The following FOXF2 variants were observed in gnomAD, a reference collection of about 807,000 sequenced individuals.
The protein encoded by FOXF2 is forkhead box protein F2.
In FOXF2, 15 loss-of-function variants were observed where a neutral mutation model predicts 29.1. That is an observed-to-expected ratio of 0.52 (90% CI 0.35 to 0.79). The LOEUF (loss-of-function observed/expected upper bound fraction) is 0.79, where lower values mean the gene tolerates loss of function less well. Ranked by LOEUF, FOXF2 falls within the 30% of genes least tolerant of loss-of-function variation. FOXF2 has a pLI of 0.01. For missense variants in FOXF2, 675 were observed against 667.1 expected (o/e 1.01, Z -0.13); for synonymous variants, 337 against 316.5 (o/e 1.06, Z -0.69).
Position 1,389,979 on chromosome 6 carries a change from C to T in FOXF2, c.32C>T (p.Pro11Leu). ...ACCGAGGGCGGGCCGCCGCCGGCCCCGCTCCGCCGCGCGTGCAGCCCGGTC... is the reference window on the plus strand; with the variant it reads ...ACCGAGGGCGGGCCGCCGCCGGCCCTGCTCCGCCGCGCGTGCAGCCCGGTC... MTTEGGPPPAPLRRACSPVPG... is the reference protein window; with the variant it reads MTTEGGPPPALLRRACSPVPG... The change falls in exon 1 of 2, where the codon CCG (proline) becomes CTG (leucine). Residue 11 changes from proline (P) to leucine (L), a missense_variant. Around this residue, in one of 3 missense-constraint regions of FOXF2, gnomAD observed 220 missense variants for 205.5 expected, o/e 1.07. Coordinates refer to ENST00000645481, the MANE Select transcript of FOXF2 (RefSeq NM_001452.2). 2 of 1,011,510 alleles carry T rather than the reference C, an allele frequency of 2.0e-6. No homozygotes were observed. The highest frequency in any genetic ancestry group is 1.2e-6 in the Non-Finnish European group (1 of 849,012). 62.7% of individuals were successfully genotyped at this position (1,011,510 alleles called of 1,614,324 possible). A position where few individuals can be genotyped will look rare whatever the true frequency, so the allele number is the denominator to read the frequency against.
In FOXF2 at chr6:1,390,800, A is replaced by T; in HGVS notation, c.853A>T (p.Met285Leu). The change falls in exon 1 of 2, where the codon ATG (methionine) becomes TTG (leucine). Residue 285 changes from methionine to leucine, a missense_variant. Met to Leu is a conservative substitution (Grantham distance 15, BLOSUM62 2). Around this residue, in one of 3 missense-constraint regions of FOXF2, gnomAD observed 451 missense variants for 437.2 expected, o/e 1.03. Transcript: ENST00000645481. This position sits in a 1 kb window ranked among gnomAD's most constrained non-coding sequence, Gnocchi z 8.5. The stretch of plus-strand genomic sequence containing the variant: ...GTCGCCCAACCCGGGTTCCACCTAC[A>T]TGGCCAGCTGCCCGGTGCCCGCGGG... ...HMSPNPGSTY[M>L]ASCPVPAGPG... 1 of 1,386,640 alleles carries T rather than the reference A, an allele frequency of 7.2e-7. No individual in the cohort carries two copies. Among genetic ancestry groups the T allele is most frequent in the South Asian group, 1.7e-5 (1 of 58,286 alleles). The allele number at this position is 1,386,640 out of a possible 1,614,324, so 85.9% of individuals were successfully genotyped here.
At position 1,390,769 on chromosome 6, in the gene FOXF2, G is replaced by A. The variant is rs1263462310; in HGVS notation, c.822G>A (p.Pro274=). 7.2e-7 allele frequency: 1 copy of A among 1,395,582 alleles called. No individual in the cohort carries two copies. Among genetic ancestry groups the A allele is most frequent in the Non-Finnish European group, 9.2e-7 (1 of 1,086,156 alleles). 86.4% of individuals were successfully genotyped at this position (1,395,582 alleles called of 1,614,324 possible). ...ACCACCACCACCACCACCACGTCCC[G>A]CACATGTCGCCCAACCCGGGTTCCA... is the stretch of plus-strand genomic sequence containing the variant. ...HPHHHHHHHV[P]HMSPNPGSTY... The change falls in exon 1 of 2, where the codon CCG becomes CCA. Residue 274 remains proline (P), a synonymous_variant. Coordinates refer to ENST00000645481, the MANE Select transcript of FOXF2 (RefSeq NM_001452.2). This position sits in a 1 kb window ranked among gnomAD's most constrained non-coding sequence, Gnocchi z 8.5.
At chr6:1,392,011 C>G (rs186924365) in intron 1 of FOXF2, among the ~76,000 whole-genome samples, 12 of 152,300 alleles carry the variant, frequency 7.9e-5, no homozygotes, top group African/African-American at 2.6e-4. Context: ...ATTAACCCCT[C>G]GCTCGGAGCA....
rs1758871106 is a variant in FOXF2, at chr6:1,394,833, C to T, written c.1309C>T (p.Gln437Ter). ...TCACCATCACCACCAGAGCGTCTGT[C>T]AGGATATTAAGCCCTGCGTCATGTG... is the stretch of plus-strand genomic sequence containing the variant. ...YYHHHHQSVCQDIKPCVM is the reference protein window; with the variant it reads ...YYHHHHQSVC The change falls in exon 2 of 2, where the codon CAG (glutamine) becomes TAG (stop). Residue 437 changes from glutamine (Q) to a stop codon, truncating the protein, a stop_gained. Coordinates refer to ENST00000645481, the MANE Select transcript of FOXF2 (RefSeq NM_001452.2). LOFTEE classifies it high-confidence loss of function. 1 of 1,614,080 alleles carries T rather than the reference C, an allele frequency of 6.2e-7. No individual in the cohort carries two copies. Among genetic ancestry groups the T allele is most frequent in the Non-Finnish European group, 8.5e-7 (1 of 1,180,044 alleles).
intron 1 of FOXF2, among the ~76,000 whole-genome samples, chr6:1,393,633 G>T: frequency 6.6e-6 from 1 of 152,096 alleles, no homozygotes; most frequent in East Asian, 2.0e-4. Flanking sequence ...CGAGAGCAGG[G>T]CCCGAGCCCG....
At position 1,390,593 on chromosome 6, in the gene FOXF2, T is replaced by C; in HGVS notation, c.646T>C (p.Phe216Leu). ...MYHRVVSGLG[F>L]GASLLPQGFD... ...CCACCGCGTGGTGAGCGGCTTGGGCTTCGGGGCGTCGCTGCTGCCCCAGGG... is the reference window on the plus strand; with the variant it reads ...CCACCGCGTGGTGAGCGGCTTGGGCCTCGGGGCGTCGCTGCTGCCCCAGGG... Residue 216 changes from phenylalanine (F) to leucine (L), a missense_variant, in exon 1 of 2, where the codon TTC (phenylalanine) becomes CTC (leucine). Around this residue, in one of 3 missense-constraint regions of FOXF2, gnomAD observed 451 missense variants for 437.2 expected, o/e 1.03. Transcript: ENST00000645481. This position sits in a 1 kb window ranked among gnomAD's most constrained non-coding sequence, Gnocchi z 8.5. The C allele has an allele frequency of 6.3e-7, 1 of 1,597,142 alleles. No homozygotes were observed. The highest frequency in any genetic ancestry group is 1.1e-5 in the South Asian group (1 of 90,502).
Position 1,390,540 on chromosome 6 carries a change from G to A in FOXF2, c.593G>A (p.Arg198Gln). The change falls in exon 1 of 2, where the codon CGG (arginine) becomes CAG (glutamine). Residue 198 changes from arginine to glutamine, a missense_variant. By Grantham distance (43) the Arg-to-Gln change is conservative. This residue lies in a region of FOXF2 where 451 missense variants were observed against 437.2 expected (regional missense o/e 1.03). Coordinates refer to ENST00000645481, the MANE Select transcript of FOXF2 (RefSeq NM_001452.2). The surrounding 1 kb of genome is among the most constrained non-coding windows in gnomAD (Gnocchi z 8.5). ...SFRRRPRGFR[R>Q]KCQALKPMYH... is the part of the protein sequence containing the mutation. The stretch of plus-strand genomic sequence containing the variant: ...CGCCGCCGGCCGCGCGGCTTCAGGC[G>A]GAAGTGCCAGGCGCTCAAGCCCATG... The A allele has an allele frequency of 6.2e-7, 1 of 1,608,244 alleles. No individual in the cohort carries two copies. The highest frequency in any genetic ancestry group is 8.5e-7 in the Non-Finnish European group (1 of 1,179,152).
rs1167106105 is a variant in FOXF2 at position 1,390,175 on chromosome 6, G to GGGC, written c.239_241dup (p.Gly80dup). On this transcript the variant is annotated inframe_insertion, in exon 1 of 2. Transcript: ENST00000645481. The surrounding 1 kb of genome is among the most constrained non-coding windows in gnomAD (Gnocchi z 8.5). The stretch of plus-strand genomic sequence containing the variant: ...CCCCCTCGGCTGCCTGCAAGAGCGC[G>GGGC]GGCGGCGGCGGCGCGGGCGCCGGGA... 3 of 1,459,700 alleles carry GGGC rather than the reference G, an allele frequency of 2.1e-6. No homozygotes were observed. The highest frequency in any genetic ancestry group is 2.7e-6 in the Non-Finnish European group (3 of 1,105,120). 90.4% of individuals were successfully genotyped at this position (1,459,700 alleles called of 1,614,324 possible). A position where few individuals can be genotyped will look rare whatever the true frequency, so the allele number is the denominator to read the frequency against.
intron 1 of FOXF2, among the ~76,000 whole-genome samples, chr6:1,393,509 C>T (rs1758838262): frequency 6.6e-6 from 1 of 152,122 alleles, no homozygotes; most frequent in African/African-American, 2.4e-5. Flanking sequence ...AGGGCAGCTG[C>T]GTTAGCGCAG....
chr6:1,390,195 C>G lies in FOXF2; in HGVS notation c.248C>G (p.Ala83Gly). ...CKSAGGGGAGAGSGGAKKASS... is the reference protein window; with the variant it reads ...CKSAGGGGAGGGSGGAKKASS... ...AGCGCGGGCGGCGGCGGCGCGGGCG[C>G]CGGGAGCGGGGGCGCCAAGAAGGCG... The change falls in exon 1 of 2, where the codon GCC becomes GGC. Residue 83 changes from alanine (A) to glycine (G), a missense_variant. By Grantham distance (60) the Ala-to-Gly change is moderately conservative. Around this residue, in one of 3 missense-constraint regions of FOXF2, gnomAD observed 220 missense variants for 205.5 expected, o/e 1.07. Coordinates refer to ENST00000645481, the MANE Select transcript of FOXF2 (RefSeq NM_001452.2). This position sits in a 1 kb window ranked among gnomAD's most constrained non-coding sequence, Gnocchi z 8.5. 17 of 1,488,510 alleles carry G rather than the reference C, an allele frequency of 1.1e-5. No individual in the cohort carries two copies. Among genetic ancestry groups the G allele is most frequent in the Non-Finnish European group, 1.5e-5 (17 of 1,124,356 alleles). 92.2% of individuals were successfully genotyped at this position (1,488,510 alleles called of 1,614,324 possible). A position where few individuals can be genotyped will look rare whatever the true frequency, so the allele number is the denominator to read the frequency against.
At position 1,390,914 on chromosome 6, in the gene FOXF2, A is replaced by T; in HGVS notation, c.967A>T (p.Met323Leu). ...SSSPVPSSPA[M>L]ASAIECHSPY... ...CAGCCCGGTACCCTCGTCCCCGGCC[A>T]TGGCGAGCGCCATCGAATGCCACTC... Residue 323 changes from methionine to leucine, a missense_variant, in exon 1 of 2, where the codon ATG (methionine) becomes TTG (leucine). Coordinates refer to ENST00000645481, the MANE Select transcript of FOXF2 (RefSeq NM_001452.2). This position sits in a 1 kb window ranked among gnomAD's most constrained non-coding sequence, Gnocchi z 8.5. 1.2e-5 allele frequency: 18 copies of T among 1,545,432 alleles called. No individual in the cohort carries two copies. The highest frequency in any genetic ancestry group is 1.6e-5 in the Non-Finnish European group (18 of 1,151,904).
intron 1 of FOXF2, among the ~76,000 whole-genome samples, 182 bp downstream of exon 1, chr6:1,391,300 G>C (rs1481395267): frequency 6.6e-6 from 1 of 152,246 alleles, no homozygotes. Context: ...GGGTCTTACT[G>C]TCCTCCCAGT....
rs1758868096 is a variant in FOXF2 at position 1,394,766 on chromosome 6, T to C, written c.1242T>C (p.Asn414=). The change falls in exon 2 of 2, where the codon AAT becomes AAC. Residue 414 remains asparagine, a synonymous_variant. Coordinates refer to ENST00000645481, the MANE Select transcript of FOXF2 (RefSeq NM_001452.2). ...GAAAAGATTTCGTCCTCAACTTCAA[T>C]GGGATTTCTTCTTTCCATCCCTCAG... ...CDRKDFVLNF[N]GISSFHPSAS... is the part of the protein sequence containing the mutation. The C allele has an allele frequency of 4.3e-6, 7 of 1,614,108 alleles. No individual in the cohort carries two copies. The highest frequency in any genetic ancestry group is 5.1e-6 in the Non-Finnish European group (6 of 1,179,970).
Position 1,389,992 on chromosome 6 carries a change from G to T in FOXF2, c.45G>T (p.Ala15=), listed in dbSNP as rs983064790. 92 of 1,048,206 alleles carry T rather than the reference G, an allele frequency of 8.8e-5. 1 individual carries two copies. In the Admixed American group the frequency reaches 4.2e-3, roughly 48 times the overall value. The allele number at this position is 1,048,206 out of a possible 1,614,324, so 64.9% of individuals were successfully genotyped here. A position where few individuals can be genotyped will look rare whatever the true frequency, so the allele number is the denominator to read the frequency against. Residue 15 remains alanine, a synonymous_variant, in exon 1 of 2, where the codon GCG becomes GCT. Transcript: ENST00000645481. ...GGPPPAPLRR[A]CSPVPGALQA... ...CGCCGCCGGCCCCGCTCCGCCGCGC[G>T]TGCAGCCCGGTCCCCGGCGCGCTCC...
chr6:1,392,041 A>T (rs1758799156), intron 1 of FOXF2, among the ~76,000 whole-genome samples: 1 of 152,140 alleles, frequency 6.6e-6, no homozygotes, highest in East Asian at 1.9e-4. Context: ...GCAGATTAAA[A>T]TCCCATGGGC....
At position 1,390,286 on chromosome 6, in the gene FOXF2, C is replaced by A. The variant is rs1163678929; in HGVS notation, c.339C>A (p.Ile113=). Residue 113 remains isoleucine, a synonymous_variant, in exon 1 of 2, where the codon ATC becomes ATA. Coordinates refer to ENST00000645481, the MANE Select transcript of FOXF2 (RefSeq NM_001452.2). The surrounding 1 kb of genome is among the most constrained non-coding windows in gnomAD (Gnocchi z 8.5). ...ACATCGCGCTCATCGTCATGGCCATCCAGAGCTCGCCCAGCAAGCGCCTGA... is the reference window on the plus strand; with the variant it reads ...ACATCGCGCTCATCGTCATGGCCATACAGAGCTCGCCCAGCAAGCGCCTGA... The part of the protein sequence containing the change: ...YSYIALIVMA[I]QSSPSKRLTL... 1.2e-6 allele frequency: 2 copies of A among 1,612,710 alleles called. No homozygotes were observed. Among genetic ancestry groups the A allele is most frequent in the East Asian group, 2.2e-5 (1 of 44,816 alleles).
Position 1,395,264 on chromosome 6 carries a change from C to T in FOXF2, c.*405C>T, listed in dbSNP as rs1758900286. 1 of 203,220 alleles carries T rather than the reference C, an allele frequency of 4.9e-6. No homozygotes were observed. Among genetic ancestry groups the T allele is most frequent in the Non-Finnish European group, 1.0e-5 (1 of 98,962 alleles). The allele number at this position is 203,220 out of a possible 1,614,324, so 12.6% of individuals were successfully genotyped here. On this transcript the variant is annotated 3_prime_UTR_variant, in exon 2 of 2. Transcript: ENST00000645481. ...CTTTTCAAAAAGGCAGTGCTAAGCA[C>T]AAGATTTCAAGAAAGCCTCTTCTTG...
chr6:1,392,433 A>ACC (rs1561785439), intron 1 of FOXF2, among the ~76,000 whole-genome samples: 1 of 86,248 alleles, frequency 1.2e-5, no homozygotes, highest in African/African-American at 5.6e-5. Context: ...CCGGCTGTCA[A>ACC]TCACACACAC....
In FOXF2 at chr6:1,390,090, C is replaced by G. The variant is rs1300388694; in HGVS notation, c.143C>G (p.Ser48Cys). 19 of 1,428,244 alleles carry G rather than the reference C, an allele frequency of 1.3e-5. No individual in the cohort carries two copies. In the East Asian group the frequency reaches 5.5e-4, roughly 41 times the overall value. 88.5% of individuals were successfully genotyped at this position (1,428,244 alleles called of 1,614,324 possible). Residue 48 changes from serine (S) to cysteine (C), a missense_variant, in exon 1 of 2, where the codon TCC (serine) becomes TGC (cysteine). Transcript: ENST00000645481. The surrounding 1 kb of genome is among the most constrained non-coding windows in gnomAD (Gnocchi z 8.5). ...GCCGCCCCGGAGACCACCTCCTCCTCCTCGTCGTCGTCCTCCGCCTCCTGC... is the reference window on the plus strand; with the variant it reads ...GCCGCCCCGGAGACCACCTCCTCCTGCTCGTCGTCGTCCTCCGCCTCCTGC... ...AAAAPETTSSSSSSSSASCAS... is the reference protein window; with the variant it reads ...AAAAPETTSSCSSSSSASCAS...
Sources: allele counts gnomAD v4.1 joint callset (sites outside exome capture counted in the v4.1 genomes callset), GRCh38; gene constraint gnomAD v4.1.1; regional missense constraint gnomAD v4.1.1; non-coding constraint Gnocchi (gnomAD v3.1); transcripts MANE v1.5; gene names NCBI Gene and HGNC (gene_info 2026-07-23, HGNC 2026-07-21).